ARHGAP42: variants seen among roughly 807,000 people sequenced by gnomAD.
ARHGAP42 encodes the protein Rho GTPase activating protein 42.
A neutral mutation model predicts 125.0 loss-of-function variants in ARHGAP42; 63 were observed. The observed-to-expected ratio is 0.50, with a 90% CI of 0.41 to 0.62. The LOEUF (loss-of-function observed/expected upper bound fraction) is 0.62. Ranked by LOEUF, ARHGAP42 falls within the 20% of genes least tolerant of loss-of-function variation. ARHGAP42 has a pLI of 0.00. For missense variants in ARHGAP42, 766 were observed against 1,024.2 expected, an observed-to-expected ratio of 0.75 and a Z score of 3.44; for synonymous variants, 339 against 351.0, an observed-to-expected ratio of 0.97 and a Z score of 0.38.
At chr11:100,808,728 A>G (rs1591198589) in intron 3 of ARHGAP42, among the ~76,000 whole-genome samples, 2 of 152,220 alleles carry the variant, frequency 1.3e-5, no homozygotes, top group African/African-American at 4.8e-5. Flanking sequence ...ACTATAAAAA[A>G]TAACTAGAAA....
intron 2 of ARHGAP42, among the ~76,000 whole-genome samples, chr11:100,774,086 C>T (rs539965344): frequency 6.6e-6 from 1 of 152,248 alleles, no homozygotes; most frequent in East Asian, 1.9e-4. Context: ...ACTTTTTACC[C>T]TTTACCTGAG....
intron 1 of ARHGAP42, among the ~76,000 whole-genome samples, chr11:100,715,258 A>C (rs73573374): frequency 1.3e-5 from 2 of 151,808 alleles, no homozygotes; most frequent in African/African-American, 4.8e-5. Context: ...CTACGCATTC[A>C]TTTCCTGTTC....
intron 4 of ARHGAP42, among the ~76,000 whole-genome samples, chr11:100,862,058 G>A (rs1248591668): frequency 1.3e-5 from 2 of 152,176 alleles, no homozygotes; most frequent in Non-Finnish European, 2.9e-5. Context: ...CCTAGCACAA[G>A]GAGAGTCTTT....
chr11:100,809,168 G>C (rs1864078765), intron 3 of ARHGAP42, among the ~76,000 whole-genome samples: 2 of 152,176 alleles, frequency 1.3e-5, no homozygotes, highest in South Asian at 4.2e-4. Flanking sequence ...CACATGGTGA[G>C]TCATAAGCAT....
In ARHGAP42 at chr11:100,947,972, A is replaced by G. The variant is rs1043599437; in HGVS notation, c.1044-485A>G. Among the ~76,000 whole-genome samples, 5 of 152,108 alleles carry G rather than the reference A, an allele frequency of 3.3e-5. No individual in the cohort carries two copies. In the East Asian group the frequency reaches 9.7e-4, roughly 29 times the overall value. On this transcript the variant is annotated intron_variant, in intron 10 of 23. Transcript: ENST00000298815. ...TTCATTTCAATATTGTCATCATGGTACAGAGAAATGCTTTGGTTTTAGTGT... is the reference window on the plus strand; with the variant it reads ...TTCATTTCAATATTGTCATCATGGTGCAGAGAAATGCTTTGGTTTTAGTGT...
intron 2 of ARHGAP42, among the ~76,000 whole-genome samples, chr11:100,771,402 C>T (rs1374024765): frequency 5.3e-5 from 8 of 152,048 alleles, no homozygotes; most frequent in Non-Finnish European, 2.9e-5. Flanking sequence ...CTACATTTTC[C>T]AGCTTATAGA....
intron 17 of ARHGAP42, among the ~76,000 whole-genome samples, chr11:100,969,235 G>A (rs1237030719): frequency 6.6e-6 from 1 of 151,952 alleles, no homozygotes; most frequent in African/African-American, 2.4e-5. Context: ...GCTTATTGGG[G>A]TTCCTTGTAG....
chr11:100,791,097 A>T (rs1244660555), intron 2 of ARHGAP42, among the ~76,000 whole-genome samples: 1 of 152,194 alleles, frequency 6.6e-6, no homozygotes, highest in Non-Finnish European at 1.5e-5. Context: ...CTTTTTGTCC[A>T]AAGTCTGGTG....
intron 4 of ARHGAP42, among the ~76,000 whole-genome samples, chr11:100,912,119 T>C (rs1358298442): frequency 6.6e-6 from 1 of 152,116 alleles, no homozygotes; most frequent in African/African-American, 2.4e-5. Context: ...AGAGTGCCAA[T>C]GGATCAAAAT....
intron 10 of ARHGAP42, 106 bp downstream of exon 10, chr11:100,943,974 A>C (rs559947236): frequency 2.9e-5 from 21 of 720,534 alleles, no homozygotes; most frequent in South Asian, 2.6e-4. Flanking sequence ...TTAGTCTTTT[A>C]AAAAACAGTA....
At chr11:100,748,995 CCT>C (rs1380773159) in intron 1 of ARHGAP42, among the ~76,000 whole-genome samples, 3 of 151,846 alleles carry the variant, frequency 2.0e-5, no homozygotes, top group Non-Finnish European at 4.4e-5. Context: ...TCTCTCTCTG[CCT>C]CTCTCTTTCT....
At chr11:100,896,657 A>G (rs920933747) in intron 4 of ARHGAP42, among the ~76,000 whole-genome samples, 4 of 152,132 alleles carry the variant, frequency 2.6e-5, no homozygotes, top group African/African-American at 2.4e-5. Context: ...GTGTCTGTTC[A>G]TATCCTTTGC....
Position 100,933,142 on chromosome 11 carries a change from C to G in ARHGAP42, c.598-14C>G. ...ACACATTTTCATGGTTTCTTTATCT[C>G]TTTATCTTTGCAGCTTTTGTCATTT... On this transcript the variant is annotated splice_polypyrimidine_tract_variant and intron_variant, in intron 6 of 23. Coordinates refer to ENST00000298815, the MANE Select transcript of ARHGAP42 (RefSeq NM_152432.4). 6.6e-7 allele frequency: 1 copy of G among 1,521,852 alleles called. No homozygotes were observed. The allele number at this position is 1,521,852 out of a possible 1,614,324, so 94.3% of individuals were successfully genotyped here.
At chr11:100,790,935 T>A (rs1205122541) in intron 2 of ARHGAP42, among the ~76,000 whole-genome samples, 1 of 152,194 alleles carries the variant, frequency 6.6e-6, no homozygotes, top group East Asian at 1.9e-4. Context: ...TACAAATTAT[T>A]GCTGATAATT....
At chr11:100,895,495 T>G (rs148368417) in intron 4 of ARHGAP42, among the ~76,000 whole-genome samples, 1 of 111,160 alleles carries the variant, frequency 9.0e-6, no homozygotes, top group African/African-American at 3.4e-5. Context: ...AAGAGCAACT[T>G]TTTTTTTTTT....
At chr11:100,715,920 T>G (rs1861652501) in intron 1 of ARHGAP42, among the ~76,000 whole-genome samples, 1 of 152,200 alleles carries the variant, frequency 6.6e-6, no homozygotes, top group South Asian at 2.1e-4. Flanking sequence ...GAGAAGTCAT[T>G]GGAGGAACTG....
intron 4 of ARHGAP42, among the ~76,000 whole-genome samples, chr11:100,898,308 T>C (rs1866419686): frequency 1.3e-5 from 2 of 152,192 alleles, no homozygotes; most frequent in Non-Finnish European, 2.9e-5. Flanking sequence ...TTCTCTTTTT[T>C]TGTTGTGTCT....
chr11:100,958,804 T>G (rs1857878064), intron 12 of ARHGAP42, among the ~76,000 whole-genome samples: 1 of 152,072 alleles, frequency 6.6e-6, no homozygotes, highest in Non-Finnish European at 1.5e-5. Context: ...GTACCTCTAG[T>G]TCCATTGTTA....
intron 1 of ARHGAP42, among the ~76,000 whole-genome samples, chr11:100,692,102 C>T (rs1186917120): frequency 6.6e-6 from 1 of 152,194 alleles, no homozygotes. Context: ...TAGCCTGCAG[C>T]ATCTTGGCTA....
Sources: gnomAD v4.1 joint callset for allele counts (sites outside exome capture counted in the v4.1 genomes callset) on GRCh38, gnomAD v4.1.1 for gene constraint, MANE v1.5 for transcripts, NCBI Gene and HGNC (gene_info 2026-07-23, HGNC 2026-07-21) for gene names.